Variants in HMCN1 observed in about 807,000 individuals in gnomAD.
HMCN1 encodes the protein hemicentin-1.
Under a neutral mutation model 625.9 loss-of-function variants are expected in HMCN1, and 321 were observed. That is an observed-to-expected ratio of 0.51 (90% confidence interval 0.47 to 0.56). HMCN1 has a LOEUF of 0.56. HMCN1 is among the 20% of genes least tolerant of loss of function. The probability of loss-of-function intolerance (pLI) is 0.00; values close to 1 mark genes in which losing one functional copy is unlikely to be tolerated. For synonymous variants in HMCN1, 2,425 were observed against 2,417.6 expected (o/e 1.00, Z -0.09); for missense variants, 6,588 against 6,887.3 (o/e 0.96, Z 1.54).
rs532148984 is a variant in HMCN1 at position 185,919,361 on chromosome 1, T to C, written c.901-3018T>C. Among the ~76,000 whole-genome samples, 12 of 152,282 alleles carry C rather than the reference T, an allele frequency of 7.9e-5. 1 individual carries two copies. The South Asian group carries it at 2.5e-3, about 32-fold the overall frequency. ...ATGTTCTCATTGCCTTCTGATTATT[T>C]GTGTTGATTATACCTTTTTGTACTT... On this transcript the variant is annotated intron_variant, in intron 6 of 106. Coordinates refer to ENST00000271588, the MANE Select transcript of HMCN1 (RefSeq NM_031935.3).
intron 1 of HMCN1, among the ~76,000 whole-genome samples, chr1:185,804,291 C>G (rs935723929): frequency 6.6e-6 from 1 of 152,034 alleles, no homozygotes; most frequent in Non-Finnish European, 1.5e-5. Context: ...TGTATGTCTG[C>G]TTACTGAAAC....
At chr1:185,739,828 G>C (rs1287026273) in intron 1 of HMCN1, among the ~76,000 whole-genome samples, 1 of 152,176 alleles carries the variant, frequency 6.6e-6, no homozygotes, top group East Asian at 1.9e-4. Flanking sequence ...CAGGAAAAGG[G>C]ATGGGGAGTT....
intron 1 of HMCN1, among the ~76,000 whole-genome samples, chr1:185,783,133 C>T (rs1338160970): frequency 2.6e-5 from 4 of 152,138 alleles, no homozygotes; most frequent in East Asian, 1.9e-4. Context: ...TCCAGTTCAT[C>T]GAATCGGCTA....
chr1:185,858,973 G>A (rs939208341), intron 2 of HMCN1, among the ~76,000 whole-genome samples: 5 of 151,572 alleles, frequency 3.3e-5, no homozygotes, highest in African/African-American at 7.3e-5. Context: ...CAGAAAGTCC[G>A]TTGATGATTT....
At chr1:186,135,897 G>A (rs934370671) in intron 86 of HMCN1, among the ~76,000 whole-genome samples, 2 of 152,212 alleles carry the variant, frequency 1.3e-5, no homozygotes, top group Admixed American at 6.5e-5. Context: ...TGGACTGTGA[G>A]CTCCTTGAGA....
intron 1 of HMCN1, among the ~76,000 whole-genome samples, chr1:185,819,462 A>G (rs1026519152): frequency 7.9e-5 from 12 of 151,738 alleles, no homozygotes; most frequent in Non-Finnish European, 1.3e-4. Flanking sequence ...ACATTTCCTC[A>G]TTGTCCATGA....
In HMCN1 at chr1:186,132,467, G is replaced by C. The variant is rs1219060298; in HGVS notation, c.13312+58G>C. ...GATTTAGGAAATATTACCTAATAAA[G>C]AGTATTTATTTTCTTTAACTCTATA... On this transcript the variant is annotated intron_variant, in intron 86 of 106. Transcript: ENST00000271588. 4 of 1,308,784 alleles carry C rather than the reference G, an allele frequency of 3.1e-6. No individual in the cohort carries two copies. In the Admixed American group the frequency reaches 7.7e-5, roughly 25 times the overall value. 81.1% of individuals were successfully genotyped at this position (1,308,784 alleles called of 1,614,324 possible).
At chr1:186,008,514 T>G (rs941613867) in intron 30 of HMCN1, among the ~76,000 whole-genome samples, 2 of 152,166 alleles carry the variant, frequency 1.3e-5, no homozygotes, top group African/African-American at 2.4e-5. Context: ...CCAGAAAACT[T>G]AAAATTACAT....
Position 185,962,565 on chromosome 1 carries a change from G to A in HMCN1, c.1876G>A (p.Gly626Arg). ...GCCCAAGAATCAGTCTTTCACAGGA[G>A]GGTCTGAGGTCTCCATCATGTGTTC... ...VMPKNQSFTGGSEVSIMCSAT... is the reference protein window; with the variant it reads ...VMPKNQSFTGRSEVSIMCSAT... Residue 626 changes from glycine (G) to arginine (R), a missense_variant, in exon 12 of 107, where the codon GGG becomes AGG. Gly to Arg is a moderately radical substitution (Grantham distance 125). Transcript: ENST00000271588. The A allele has an allele frequency of 6.2e-7, 1 of 1,611,418 alleles. No individual in the cohort carries two copies. The highest frequency in any genetic ancestry group is 8.5e-7 in the Non-Finnish European group (1 of 1,177,608).
intron 64 of HMCN1, 29 bp downstream of exon 64, chr1:186,090,946 A>C (rs1264172278): frequency 6.2e-7 from 1 of 1,601,038 alleles, no homozygotes; most frequent in Non-Finnish European, 8.6e-7. Context: ...TTTCCATTAT[A>C]AATTGTAAGC....
intron 11 of HMCN1, among the ~76,000 whole-genome samples, chr1:185,958,132 G>A (rs1317453347): frequency 6.6e-6 from 1 of 152,050 alleles, no homozygotes; most frequent in Non-Finnish European, 1.5e-5. Context: ...CCAAACTGGA[G>A]TGCAGTGATG....
chr1:186,153,489 T>C (rs1365119244), intron 96 of HMCN1, among the ~76,000 whole-genome samples: 1 of 152,018 alleles, frequency 6.6e-6, no homozygotes, highest in Non-Finnish European at 1.5e-5. Context: ...GATGAGAAAG[T>C]TGCTTAATTT....
intron 76 of HMCN1, 41 bp from the exon 77 acceptor site, chr1:186,117,418 A>T (rs1489451564): frequency 6.2e-7 from 1 of 1,600,698 alleles, no homozygotes; most frequent in Non-Finnish European, 8.5e-7. Flanking sequence ...AGGGCTGGAA[A>T]TGTGTAGTTT....
At chr1:186,061,330 G>T (rs147475245) in intron 46 of HMCN1, among the ~76,000 whole-genome samples, 17 of 152,234 alleles carry the variant, frequency 1.1e-4, no homozygotes, top group African/African-American at 4.1e-4. Context: ...AGGAAGACCT[G>T]TCAAACGCTT....
intron 46 of HMCN1, among the ~76,000 whole-genome samples, chr1:186,061,253 C>T (rs1172124099): frequency 6.6e-6 from 1 of 152,076 alleles, no homozygotes; most frequent in Non-Finnish European, 1.5e-5. Flanking sequence ...CCTCAGGAAA[C>T]TTAAAATTAT....
Position 185,989,543 on chromosome 1 carries a change from G to A in HMCN1, c.3104G>A (p.Ser1035Asn). 1.2e-6 allele frequency: 2 copies of A among 1,614,066 alleles called. No homozygotes were observed. The highest frequency in any genetic ancestry group is 1.7e-6 in the Non-Finnish European group (2 of 1,179,948). ...AAGTTTTCAGCAGGAGCTGATGGTAGTCTGTATGTGGTATCACCTGGAGGA... is the reference window on the plus strand; with the variant it reads ...AAGTTTTCAGCAGGAGCTGATGGTAATCTGTATGTGGTATCACCTGGAGGA... ...SAKFSAGADG[S>N]LYVVSPGGEE... Residue 1035 changes from serine (S) to asparagine (N), a missense_variant, in exon 21 of 107, where the codon AGT becomes AAT. By Grantham distance (46) the Ser-to-Asn change is conservative. Transcript: ENST00000271588.
chr1:185,867,723 A>G (rs911602758), intron 4 of HMCN1, among the ~76,000 whole-genome samples: 5 of 152,116 alleles, frequency 3.3e-5, no homozygotes, highest in Non-Finnish European at 7.4e-5. Context: ...TAAGCTTTTG[A>G]AAGAATAGTT....
chr1:186,038,757 G>C (rs551886959), intron 37 of HMCN1, 72 bp from the exon 38 acceptor site: 24 of 837,266 alleles, frequency 2.9e-5, no homozygotes, highest in Non-Finnish European at 5.0e-5. Context: ...TAGTGACTTA[G>C]CTAAGATCCA....
At chr1:186,165,195 G>A (rs1377249006) in intron 98 of HMCN1, 22 bp downstream of exon 98, 2 of 1,603,108 alleles carry the variant, frequency 1.2e-6, no homozygotes, top group African/African-American at 2.7e-5. Context: ...GATAAATAAA[G>A]GGTTTTCTTT....
Sources: allele counts gnomAD v4.1 joint callset (sites outside exome capture counted in the v4.1 genomes callset), GRCh38; gene constraint gnomAD v4.1.1; transcripts MANE v1.5; gene names NCBI Gene and HGNC (gene_info 2026-07-23, HGNC 2026-07-21).